Variants in FANCM observed in about 807,000 individuals in gnomAD.
The protein encoded by FANCM is FA complementation group M, also known as Fanconi anemia group M protein.
Under a neutral mutation model 199.5 loss-of-function variants are expected in FANCM, and 140 were observed. The ratio of observed to expected loss-of-function variants is 0.70; its 90% CI spans 0.61 to 0.81. The LOEUF is 0.81. FANCM is among the 30% of genes least tolerant of loss of function. The pLI, the probability that FANCM is intolerant of heterozygous loss-of-function variation, is 0.00. For synonymous variants in FANCM, 840 were observed against 836.8 expected, an observed-to-expected ratio of 1.00 and a Z score of -0.07; for missense variants, 2,410 against 2,421.4, an observed-to-expected ratio of 1.00 and a Z score of 0.10.
chr14:45,192,240 T>TA (rs1398709170), intron 20 of FANCM, among the ~76,000 whole-genome samples: 3 of 152,136 alleles, frequency 2.0e-5, no homozygotes, highest in Non-Finnish European at 4.4e-5. Context: ...ATTACAGAGC[T>TA]AAGGTTGTAG....
intron 2 of FANCM, among the ~76,000 whole-genome samples, chr14:45,138,667 G>A (rs1441094483): frequency 6.6e-6 from 1 of 152,110 alleles, no homozygotes; most frequent in African/African-American, 2.4e-5. Context: ...TATGGAATAC[G>A]TTTTGAAGAT....
intron 16 of FANCM, among the ~76,000 whole-genome samples, chr14:45,182,005 A>G (rs1241180541): frequency 6.6e-6 from 1 of 152,222 alleles, no homozygotes; most frequent in East Asian, 1.9e-4. Context: ...CTATGTGTCT[A>G]CTGTGTAAGA....
rs774758124 is a variant in FANCM at position 45,173,063 on chromosome 14, A to G, written c.2169A>G (p.Glu723=). 31 of 1,607,274 alleles carry G rather than the reference A, an allele frequency of 1.9e-5. No homozygotes were observed. The highest frequency in any genetic ancestry group is 2.6e-5 in the Non-Finnish European group (31 of 1,174,002). The change falls in exon 13 of 23, where the codon GAA becomes GAG. Residue 723 remains glutamate, a synonymous_variant. Transcript: ENST00000267430. Reference sequence around the variant, plus strand: ...CTTTTTAAATAATTAAGGCTCAAGAATCAACCACTGGAATTCATCAACTCT... The same window carrying G: ...CTTTTTAAATAATTAAGGCTCAAGAGTCAACCACTGGAATTCATCAACTCT... ...LQNEENKPAQ[E]STTGIHQLSL...
chr14:45,174,393 A>G (rs1283412901), intron 13 of FANCM, among the ~76,000 whole-genome samples: 1 of 152,034 alleles, frequency 6.6e-6, no homozygotes, highest in Non-Finnish European at 1.5e-5. Context: ...TCTAAAAAAA[A>G]AAAAAACAAA....
At chr14:45,162,916 T>C (rs1428507668) in intron 9 of FANCM, among the ~76,000 whole-genome samples, 3 of 152,168 alleles carry the variant, frequency 2.0e-5, no homozygotes, top group African/African-American at 7.2e-5. Context: ...CTGTGTTATA[T>C]GCAGGTTGGC....
At chr14:45,161,751 T>G (rs577496789) in intron 9 of FANCM, among the ~76,000 whole-genome samples, 1 of 152,120 alleles carries the variant, frequency 6.6e-6, no homozygotes, top group South Asian at 2.1e-4. Flanking sequence ...CACTTCAGCC[T>G]GGGCAACACA....
intron 14 of FANCM, among the ~76,000 whole-genome samples, chr14:45,177,456 G>C (rs139439956): frequency 0.045 from 6,882 of 152,008 alleles, 226 homozygotes; most frequent in Middle Eastern, 0.17. Flanking sequence ...CAATGGCATG[G>C]TCTCGGCTTA....
In FANCM at chr14:45,166,277, G is replaced by A. The variant is rs112636898; in HGVS notation, c.1789-673G>A. ...CTCCTGAGTAGCTGGGACTACAGGC[G>A]CATGCCACCATGCCCGGCTAATTTT... On this transcript the variant is annotated intron_variant, in intron 10 of 22. Transcript: ENST00000267430. Among the ~76,000 whole-genome samples, 1,116 of 151,534 alleles carry A rather than the reference G, an allele frequency of 7.4e-3. 26 individuals carry two copies. The highest frequency in any genetic ancestry group is 0.026 in the African/African-American group (1,058 of 41,338).
chr14:45,164,629 A>G, intron 10 of FANCM, 64 bp downstream of exon 10: 7 of 1,239,396 alleles, frequency 5.6e-6, no homozygotes, highest in Non-Finnish European at 8.1e-6. Context: ...CCAAAGGTGA[A>G]TATCAACATG....
intron 5 of FANCM, among the ~76,000 whole-genome samples, chr14:45,153,270 A>G (rs1447460249): frequency 1.3e-5 from 2 of 152,240 alleles, no homozygotes; most frequent in Non-Finnish European, 2.9e-5. Flanking sequence ...TGGTTCTGCT[A>G]CTTAACATTT....
rs1889577566 is a variant in FANCM at position 45,188,887 on chromosome 14, A to T, written c.4865A>T (p.Glu1622Val). 6.2e-7 allele frequency: 1 copy of T among 1,613,766 alleles called. No individual in the cohort carries two copies. Among genetic ancestry groups the T allele is most frequent in the South Asian group, 1.1e-5 (1 of 91,044 alleles). Reference sequence around the variant, plus strand: ...TGCAAAGGCCAATCAAGTGAAGAAGAAGTTTGTGTTGATTTTAACTTAATA... The same window carrying T: ...TGCAAAGGCCAATCAAGTGAAGAAGTAGTTTGTGTTGATTTTAACTTAATA... The part of the protein sequence containing the change: ...ESCKGQSSEE[E>V]VCVDFNLITD... Residue 1622 changes from glutamate to valine, a missense_variant, in exon 20 of 23, where the codon GAA (glutamate) becomes GTA (valine). Transcript: ENST00000267430.
rs777347307 is a variant in FANCM, at chr14:45,181,537, G to A, written c.4317+13G>A. On this transcript the variant is annotated intron_variant, in intron 15 of 22. Coordinates refer to ENST00000267430, the MANE Select transcript of FANCM (RefSeq NM_020937.4). ...AAACTCTCCTGAGGTGAGTCATTCA[G>A]TAATCACAATAGTATAATCATATCA... is the stretch of plus-strand genomic sequence containing the variant. 1.9e-6 allele frequency: 3 copies of A among 1,559,020 alleles called. No individual in the cohort carries two copies. The highest frequency in any genetic ancestry group is 2.2e-5 in the East Asian group (1 of 44,486).
At chr14:45,146,218 G>C (rs1886369345) in intron 3 of FANCM, among the ~76,000 whole-genome samples, 1 of 138,716 alleles carries the variant, frequency 7.2e-6, no homozygotes, top group African/African-American at 2.6e-5. Context: ...TCCAGCCTGG[G>C]TGACAGAGTG....
chr14:45,150,930 A>G (rs1341959928), intron 4 of FANCM, among the ~76,000 whole-genome samples: 1 of 152,182 alleles, frequency 6.6e-6, no homozygotes, highest in Non-Finnish European at 1.5e-5. Context: ...ATATTTGTTG[A>G]AAAAAATGCA....
intron 11 of FANCM, 98 bp from the exon 12 acceptor site, chr14:45,170,491 A>G: frequency 1.2e-6 from 1 of 817,824 alleles, no homozygotes; most frequent in South Asian, 1.5e-5. Flanking sequence ...GTGCTGTTGC[A>G]CTCCAACCTG....
chr14:45,194,311 A>G (rs952946139), intron 20 of FANCM, among the ~76,000 whole-genome samples: 5 of 151,616 alleles, frequency 3.3e-5, no homozygotes, highest in African/African-American at 9.7e-5. Context: ...TCAAAAAAAA[A>G]AAAACAAAAA....
chr14:45,166,029 T>C (rs1413204567), intron 10 of FANCM, among the ~76,000 whole-genome samples: 1 of 152,148 alleles, frequency 6.6e-6, no homozygotes, highest in East Asian at 1.9e-4. Flanking sequence ...TAAATATCAG[T>C]CTTTTTTAAA....
chr14:45,185,260 A>G lies in FANCM; in HGVS notation c.4559A>G (p.Glu1520Gly), dbSNP rs1471451160. Residue 1520 changes from glutamate to glycine, a missense_variant, in exon 18 of 23, where the codon GAA becomes GGA. By Grantham distance (98) the Glu-to-Gly change is moderately conservative. Transcript: ENST00000267430. ...KFLDDEAELS[E>G]EDAEYVSSDE... Reference sequence around the variant, plus strand: ...TTAGATGATGAAGCAGAACTTTCTGAAGAAGATGCAGAATATGTTTCATCA... The same window carrying G: ...TTAGATGATGAAGCAGAACTTTCTGGAGAAGATGCAGAATATGTTTCATCA... 6.2e-7 allele frequency: 1 copy of G among 1,604,916 alleles called. No homozygotes were observed. Among genetic ancestry groups the G allele is most frequent in the South Asian group, 1.1e-5 (1 of 90,444 alleles).
intron 4 of FANCM, among the ~76,000 whole-genome samples, chr14:45,149,619 C>G (rs1001831330): frequency 6.6e-6 from 1 of 152,094 alleles, no homozygotes; most frequent in African/African-American, 2.4e-5. Flanking sequence ...TTTCCTGCCC[C>G]GACCTCCCAA....
Sources: allele counts gnomAD v4.1 joint callset (sites outside exome capture counted in the v4.1 genomes callset), GRCh38; gene constraint gnomAD v4.1.1; transcripts MANE v1.5; gene names NCBI Gene and HGNC (gene_info 2026-07-23, HGNC 2026-07-21).